The following KAZN variants were observed in gnomAD, a reference collection of about 807,000 sequenced individuals.
The protein encoded by KAZN is kazrin.
In KAZN, 40 loss-of-function variants were observed where a neutral mutation model predicts 87.4. The ratio of observed to expected loss-of-function variants is 0.46; its 90% CI spans 0.36 to 0.60. The LOEUF (loss-of-function observed/expected upper bound fraction) is 0.60. KAZN is among the 20% of genes least tolerant of loss of function. KAZN has a pLI of 0.00. For synonymous variants in KAZN, 466 were observed against 458.3 expected (o/e 1.02, Z -0.22); for missense variants, 898 against 1,073.9 (o/e 0.84, Z 2.29).
chr1:14,058,345 C>T (rs1416354244), intron 1 of KAZN, among the ~76,000 whole-genome samples: 3 of 152,160 alleles, frequency 2.0e-5, no homozygotes, highest in Non-Finnish European at 4.4e-5. Flanking sequence ...GGACTTAAGT[C>T]TTTAAAAAAA....
At chr1:14,679,093 T>G (rs1243882726) in intron 1 of KAZN, among the ~76,000 whole-genome samples, 2 of 152,206 alleles carry the variant, frequency 1.3e-5, no homozygotes, top group African/African-American at 4.8e-5. Context: ...TACCTGGAAT[T>G]TTGCCTTTAT....
At chr1:14,069,305 G>C (rs1290620205) in intron 1 of KAZN, among the ~76,000 whole-genome samples, 1 of 152,136 alleles carries the variant, frequency 6.6e-6, no homozygotes, top group East Asian at 1.9e-4. Context: ...TGCAATGTGG[G>C]TAGCAGGGTT....
intron 1 of KAZN, among the ~76,000 whole-genome samples, chr1:14,828,469 T>C (rs1463385062): frequency 6.6e-6 from 1 of 152,208 alleles, no homozygotes; most frequent in African/African-American, 2.4e-5. Flanking sequence ...ATTAGATCCT[T>C]CCTGGCCTAA....
chr1:15,063,936 C>A (rs1478363434), intron 7 of KAZN, among the ~76,000 whole-genome samples: 1 of 152,226 alleles, frequency 6.6e-6, no homozygotes, highest in Admixed American at 6.5e-5. Flanking sequence ...TGGGCTGGGG[C>A]CTGAGCCAGT....
chr1:15,103,193 G>A, intron 11 of KAZN, among the ~76,000 whole-genome samples, 166 bp from the exon 12 acceptor site: 1 of 152,268 alleles, frequency 6.6e-6, no homozygotes, highest in Non-Finnish European at 1.5e-5. Flanking sequence ...CTTGAACCTG[G>A]GAGGCGGAGG....
chr1:14,119,141 C>T (rs1248062446), intron 1 of KAZN, among the ~76,000 whole-genome samples: 1 of 152,150 alleles, frequency 6.6e-6, no homozygotes, highest in Admixed American at 6.5e-5. Flanking sequence ...AAACATTCAG[C>T]TCTAACCCCT....
At chr1:14,627,886 C>T (rs1040957544) in intron 1 of KAZN, among the ~76,000 whole-genome samples, 21 of 152,210 alleles carry the variant, frequency 1.4e-4, no homozygotes, top group African/African-American at 4.8e-4. Context: ...GGTTTATTCT[C>T]TGCCCATCAG....
rs376138950 is a variant in KAZN at position 14,556,270 on chromosome 1, C to T, written c.250-42713C>T. Among the ~76,000 whole-genome samples, 16 of 152,060 alleles carry T rather than the reference C, an allele frequency of 1.1e-4. No individual in the cohort carries two copies. In the South Asian group the frequency reaches 2.7e-3, roughly 26 times the overall value. The stretch of plus-strand genomic sequence containing the variant: ...GACTACAGGTACCCACCACCACACC[C>T]GGCTAATTTTTTGTGTTTTTAGTAG... On this transcript the variant is annotated intron_variant, in intron 2 of 16. Coordinates refer to the KAZN transcript ENST00000636203.
At chr1:15,043,615 C>T (rs1242264094) in intron 3 of KAZN, among the ~76,000 whole-genome samples, 1 of 146,838 alleles carries the variant, frequency 6.8e-6, no homozygotes, top group Non-Finnish European at 1.5e-5. Flanking sequence ...GGCCACATGT[C>T]ATGGGGCCTC....
intron 2 of KAZN, among the ~76,000 whole-genome samples, chr1:14,276,373 A>G (rs2100698647): frequency 6.6e-6 from 1 of 152,114 alleles, no homozygotes; most frequent in South Asian, 2.1e-4. Context: ...TAAGATGGTG[A>G]ATTACATTGT....
At chr1:14,346,947 C>T (rs1571353268) in intron 2 of KAZN, among the ~76,000 whole-genome samples, 1 of 152,052 alleles carries the variant, frequency 6.6e-6, no homozygotes. Flanking sequence ...TATGGTATAG[C>T]CATATCACAG....
At chr1:14,593,565 C>G (rs1676325260) in intron 2 of KAZN, among the ~76,000 whole-genome samples, 1 of 152,098 alleles carries the variant, frequency 6.6e-6, no homozygotes, top group South Asian at 2.1e-4. Flanking sequence ...TTTTGGAAAC[C>G]CCAGGAGTTT....
rs573738712 is a variant in KAZN at position 14,695,601 on chromosome 1, G to C, written c.226+96378G>C. Among the ~76,000 whole-genome samples, 51 of 149,532 alleles carry C rather than the reference G, an allele frequency of 3.4e-4. 1 individual carries two copies. Among genetic ancestry groups the C allele is most frequent in the African/African-American group, 1.3e-3 (51 of 40,490 alleles). On this transcript the variant is annotated intron_variant, in intron 1 of 14. Coordinates refer to ENST00000376030, the MANE Select transcript of KAZN (RefSeq NM_201628.3). ...GCTCATTGCAACCTCTGCCTCCCAG[G>C]TTCAAGCGATTGTCTTGCCTCAGCC...
intron 2 of KAZN, among the ~76,000 whole-genome samples, chr1:14,271,506 C>T (rs569533235): frequency 3.3e-5 from 5 of 152,270 alleles, no homozygotes; most frequent in East Asian, 1.9e-4. Flanking sequence ...GAAATCTAGC[C>T]GTCCAACCGG....
intron 2 of KAZN, among the ~76,000 whole-genome samples, chr1:14,366,770 T>C (rs529698742): frequency 7.2e-5 from 11 of 152,362 alleles, no homozygotes; most frequent in South Asian, 2.1e-4. Context: ...CAGTAGACTC[T>C]CTGCCTTTTC....
chr1:14,580,332 G>A (rs760606971), intron 2 of KAZN, among the ~76,000 whole-genome samples: 17 of 152,032 alleles, frequency 1.1e-4, no homozygotes, highest in South Asian at 2.1e-4. Context: ...AAAATTAGCC[G>A]AGCGTGGTGT....
At chr1:14,466,770 C>A (rs545619405) in intron 2 of KAZN, among the ~76,000 whole-genome samples, 2 of 151,894 alleles carry the variant, frequency 1.3e-5, no homozygotes, top group South Asian at 2.1e-4. Flanking sequence ...AGATGGAGAC[C>A]ATCCTGGCTA....
intron 1 of KAZN, among the ~76,000 whole-genome samples, chr1:13,946,700 A>G (rs1485511133): frequency 6.6e-6 from 1 of 152,028 alleles, no homozygotes; most frequent in Non-Finnish European, 1.5e-5. Context: ...TGTGTCAAAG[A>G]TGCTAGATGG....
chr1:14,153,568 A>G (rs999912341), intron 1 of KAZN, among the ~76,000 whole-genome samples: 4 of 152,072 alleles, frequency 2.6e-5, no homozygotes, highest in African/African-American at 9.7e-5. Flanking sequence ...TGAGGTCAGG[A>G]GTTGGAGACC....
Sources: allele counts gnomAD v4.1 joint callset (sites outside exome capture counted in the v4.1 genomes callset), GRCh38; gene constraint gnomAD v4.1.1; transcripts MANE v1.5; gene names NCBI Gene and HGNC (gene_info 2026-07-23, HGNC 2026-07-21).